The following LRRFIP1 variants were observed in gnomAD, a reference collection of about 807,000 sequenced individuals.
LRRFIP1 encodes leucine-rich repeat flightless-interacting protein 1.
Under a neutral mutation model 104.4 loss-of-function variants are expected in LRRFIP1, and 62 were observed. That is an observed-to-expected ratio of 0.59 (90% CI 0.48 to 0.73). LRRFIP1 has a LOEUF of 0.73. Among genes scored for constraint, LRRFIP1 ranks in the 30% least tolerant of loss-of-function variants. LRRFIP1 has a pLI of 0.00. For missense variants in LRRFIP1, 796 were observed against 824.5 expected, an observed-to-expected ratio of 0.97 and a Z score of 0.42; for synonymous variants, 300 against 299.0, an observed-to-expected ratio of 1.00 and a Z score of -0.03.
At chr2:237,758,180 A>AACT (rs72541468) in intron 17 of LRRFIP1, among the ~76,000 whole-genome samples, 1 of 151,936 alleles carries the variant, frequency 6.6e-6, no homozygotes, top group Non-Finnish European at 1.5e-5. Context: ...ACGTTGACTC[A>AACT]AGCCACACTG....
At chr2:237,741,466 G>C (rs2095412169) in intron 11 of LRRFIP1, among the ~76,000 whole-genome samples, 1 of 152,186 alleles carries the variant, frequency 6.6e-6, no homozygotes, top group South Asian at 2.1e-4. Flanking sequence ...CTACCAGGAA[G>C]AAACATTTTC....
rs553081865 is a variant in LRRFIP1, at chr2:237,687,796, G to C, written c.97-20748G>C. Among the ~76,000 whole-genome samples, 8 of 152,268 alleles carry C rather than the reference G, an allele frequency of 5.3e-5. No homozygotes were observed. The East Asian group carries it at 1.4e-3, about 26-fold the overall frequency. On this transcript the variant is annotated intron_variant, in intron 1 of 23. Coordinates refer to ENST00000308482, the MANE Select transcript of LRRFIP1 (RefSeq NM_001137550.2). The stretch of plus-strand genomic sequence containing the variant: ...TTCATGTTAGTTATCTGACTAATGG[G>C]GAGGCTGAGAGCCACTGTGTCCTCC...
intron 1 of LRRFIP1, among the ~76,000 whole-genome samples, chr2:237,670,142 C>G (rs1024926354): frequency 2.0e-5 from 3 of 152,244 alleles, no homozygotes; most frequent in African/African-American, 7.2e-5. Flanking sequence ...AGGAAAACGT[C>G]TGAAATGTCC....
At chr2:237,722,978 T>C (rs1418117028) in intron 6 of LRRFIP1, among the ~76,000 whole-genome samples, 2 of 152,232 alleles carry the variant, frequency 1.3e-5, no homozygotes, top group Non-Finnish European at 2.9e-5. Context: ...TTTAATATTA[T>C]GAACTTTTTA....
At chr2:237,764,987 C>T (rs1170042801) in intron 19 of LRRFIP1, 6 of 984,616 alleles carry the variant, frequency 6.1e-6, no homozygotes, top group African/African-American at 3.5e-5. Flanking sequence ...TTTGGCCGGG[C>T]GTGGTGGCTC....
At chr2:237,774,281 T>C in intron 22 of LRRFIP1, 77 bp from the exon 23 acceptor site, 1 of 824,574 alleles carries the variant, frequency 1.2e-6, no homozygotes, top group South Asian at 1.6e-5. Flanking sequence ...TCACACTCTT[T>C]GATCTCAAAG....
intron 11 of LRRFIP1, among the ~76,000 whole-genome samples, chr2:237,745,655 A>T (rs2057747186): frequency 6.6e-6 from 1 of 152,206 alleles, no homozygotes; most frequent in Non-Finnish European, 1.5e-5. Flanking sequence ...TCTTGCAAGA[A>T]ATACCAGAAA....
At chr2:237,712,456 T>C (rs991576033) in intron 2 of LRRFIP1, among the ~76,000 whole-genome samples, 3 of 152,162 alleles carry the variant, frequency 2.0e-5, no homozygotes, top group African/African-American at 7.2e-5. Flanking sequence ...AAAAATAAAG[T>C]TCTCCTTGGT....
At chr2:237,665,125 T>A (rs1228513113) in intron 1 of LRRFIP1, among the ~76,000 whole-genome samples, 17 of 152,252 alleles carry the variant, frequency 1.1e-4, no homozygotes, top group Admixed American at 1.1e-3. Context: ...AATTTCTTAT[T>A]GTGAAATAAA....
chr2:237,753,335 A>C lies in LRRFIP1; in HGVS notation c.894A>C (p.Lys298Asn). Residue 298 changes from lysine to asparagine, a missense_variant, in exon 15 of 24, where the codon AAA becomes AAC. Coordinates refer to ENST00000308482, the MANE Select transcript of LRRFIP1 (RefSeq NM_001137550.2). ...MKDSLAEVEE[K>N]YKKAMVSNAQ... ...ACTCTCTAGCAGAAGTTGAAGAGAA[A>C]TATAAGAAGGCTATGGTTTCCAATG... 1 of 1,589,552 alleles carries C rather than the reference A, an allele frequency of 6.3e-7. No homozygotes were observed. The highest frequency in any genetic ancestry group is 8.5e-7 in the Non-Finnish European group (1 of 1,174,258).
At chr2:237,683,461 C>A (rs1019099620) in intron 1 of LRRFIP1, 2 of 152,216 alleles carry the variant, frequency 1.3e-5, no homozygotes. Context: ...CTCACACTCC[C>A]CCTGAAGTTC....
In LRRFIP1 at chr2:237,627,651, A is replaced by T. The variant is rs2081737719; in HGVS notation, c.7A>T (p.Met3Leu). 2 of 1,344,746 alleles carry T rather than the reference A, an allele frequency of 1.5e-6. No individual in the cohort carries two copies. Among genetic ancestry groups the T allele is most frequent in the Admixed American group, 2.6e-5 (1 of 37,744 alleles). The allele number at this position is 1,344,746 out of a possible 1,614,324, so 83.3% of individuals were successfully genotyped here. A position where few individuals can be genotyped will look rare whatever the true frequency, so the allele number is the denominator to read the frequency against. ...GCTGCGGGCGACGCGGTCGATGGACATGGGCACCCAGGGATCGGGGCGCAA... is the reference window on the plus strand; with the variant it reads ...GCTGCGGGCGACGCGGTCGATGGACTTGGGCACCCAGGGATCGGGGCGCAA... MD[M>L]GTQGSGRKRL... The change falls in exon 1 of 24, where the codon ATG (methionine) becomes TTG (leucine). Residue 3 changes from methionine to leucine, a missense_variant. Met to Leu is a conservative substitution (Grantham distance 15). Transcript: ENST00000308482.
intron 6 of LRRFIP1, among the ~76,000 whole-genome samples, chr2:237,723,043 T>C (rs1282429272): frequency 1.3e-5 from 2 of 152,220 alleles, no homozygotes; most frequent in Non-Finnish European, 2.9e-5. Flanking sequence ...AACACAGGCC[T>C]TCTTCATTTA....
chr2:237,695,902 C>A (rs2093151282), intron 1 of LRRFIP1, among the ~76,000 whole-genome samples: 1 of 152,112 alleles, frequency 6.6e-6, no homozygotes, highest in African/African-American at 2.4e-5. Context: ...TTTAATCATT[C>A]AAAATTGCCA....
chr2:237,763,447 G>GA (rs753474563), intron 19 of LRRFIP1: 9 of 1,613,028 alleles, frequency 5.6e-6, no homozygotes, highest in Non-Finnish European at 6.8e-6. Context: ...AAAACAAGAA[G>GA]AAAAAATCCC....
At chr2:237,642,977 A>G (rs2084263449) in intron 1 of LRRFIP1, among the ~76,000 whole-genome samples, 1 of 152,234 alleles carries the variant, frequency 6.6e-6, no homozygotes, top group South Asian at 2.1e-4. Flanking sequence ...ATAAGGTGGG[A>G]TAAATCCGCC....
chr2:237,714,815 T>G (rs1249295993), intron 3 of LRRFIP1, among the ~76,000 whole-genome samples: 1 of 152,156 alleles, frequency 6.6e-6, no homozygotes, highest in African/African-American at 2.4e-5. Context: ...CAGCTGAGGT[T>G]TAGAAGTAAA....
chr2:237,736,590 C>A (rs186346737), intron 10 of LRRFIP1, among the ~76,000 whole-genome samples: 1 of 152,168 alleles, frequency 6.6e-6, no homozygotes, highest in African/African-American at 2.4e-5. Flanking sequence ...TACTGTGTCA[C>A]GTCTGAGATG....
intron 1 of LRRFIP1, among the ~76,000 whole-genome samples, chr2:237,685,127 A>C (rs2149685218): frequency 6.9e-6 from 1 of 145,260 alleles, no homozygotes. Flanking sequence ...CACACAAAAA[A>C]ACCCCAAAAA....
Sources: gnomAD v4.1 joint callset for allele counts (sites outside exome capture counted in the v4.1 genomes callset) on GRCh38, gnomAD v4.1.1 for gene constraint, MANE v1.5 for transcripts, NCBI Gene and HGNC (gene_info 2026-07-23, HGNC 2026-07-21) for gene names.